AUTS2: variants seen among roughly 807,000 people sequenced by gnomAD.
AUTS2 encodes the protein activator of transcription and developmental regulator AUTS2.
A neutral mutation model predicts 112.4 loss-of-function variants in AUTS2; 17 were observed. The observed-to-expected ratio is 0.15, with a 90% confidence interval of 0.10 to 0.23. AUTS2 has a LOEUF of 0.23. AUTS2 is among the 10% of genes least tolerant of loss of function. AUTS2 has a pLI of 1.00. For synonymous variants in AUTS2, 751 were observed against 702.7 expected (o/e 1.07, Z -1.09); for missense variants, 1,510 against 1,701.6 (o/e 0.89, Z 1.98).
intron 1 of AUTS2, among the ~76,000 whole-genome samples, chr7:69,628,976 A>G (rs572805284): frequency 6.6e-6 from 1 of 152,142 alleles, no homozygotes; most frequent in African/African-American, 2.4e-5. Context: ...TGCGTAAACC[A>G]TTTCATTTGA....
chr7:70,088,179 A>G (rs1803710048), intron 2 of AUTS2, among the ~76,000 whole-genome samples: 1 of 152,026 alleles, frequency 6.6e-6, no homozygotes, highest in Non-Finnish European at 1.5e-5. Flanking sequence ...GCTGGAGTGC[A>G]GTGGCGTGAT....
chr7:70,448,682 A>G (rs1796413934), intron 5 of AUTS2, among the ~76,000 whole-genome samples: 1 of 152,184 alleles, frequency 6.6e-6, no homozygotes, highest in Admixed American at 6.5e-5. Context: ...GCATGACAAC[A>G]TATGTGGATT....
At chr7:69,900,555 G>T (rs1794927950) in intron 2 of AUTS2, among the ~76,000 whole-genome samples, 1 of 152,158 alleles carries the variant, frequency 6.6e-6, no homozygotes, top group Non-Finnish European at 1.5e-5. Flanking sequence ...GTTTTAGAAA[G>T]TTTCCTATTT....
intron 4 of AUTS2, among the ~76,000 whole-genome samples, chr7:70,235,900 C>T (rs1329240416): frequency 7.2e-5 from 11 of 152,076 alleles, no homozygotes; most frequent in African/African-American, 1.4e-4. Context: ...CCTCGTGGTC[C>T]GCCCACCTTG....
chr7:70,408,278 A>C (rs1794628645), intron 4 of AUTS2, among the ~76,000 whole-genome samples: 1 of 152,086 alleles, frequency 6.6e-6, no homozygotes, highest in African/African-American at 2.4e-5. Flanking sequence ...GGGGTCTGGT[A>C]TGGTAGTGAT....
chr7:70,063,178 A>T (rs1802332215), intron 2 of AUTS2, among the ~76,000 whole-genome samples: 1 of 151,976 alleles, frequency 6.6e-6, no homozygotes. Context: ...TTTTTATTGG[A>T]TATGATCACC....
chr7:70,557,727 T>C (rs1801310387), intron 5 of AUTS2, among the ~76,000 whole-genome samples: 2 of 152,214 alleles, frequency 1.3e-5, no homozygotes. Flanking sequence ...TCCCGGAGGC[T>C]GCTGTATCAC....
chr7:70,610,808 A>C (rs1804054787), intron 5 of AUTS2, among the ~76,000 whole-genome samples: 1 of 152,116 alleles, frequency 6.6e-6, no homozygotes, highest in Non-Finnish European at 1.5e-5. Flanking sequence ...ATGCCTATTC[A>C]GGTCATTTGT....
At chr7:70,393,061 A>G (rs1185910410) in intron 4 of AUTS2, among the ~76,000 whole-genome samples, 1 of 152,212 alleles carries the variant, frequency 6.6e-6, no homozygotes, top group Non-Finnish European at 1.5e-5. Flanking sequence ...CAGGAAGGGT[A>G]GTATTGATTT....
At chr7:69,890,422 A>G (rs1794470209) in intron 1 of AUTS2, among the ~76,000 whole-genome samples, 1 of 151,964 alleles carries the variant, frequency 6.6e-6, no homozygotes, top group Non-Finnish European at 1.5e-5. Context: ...TCTGTACCTG[A>G]TCTATTTTTT....
intron 5 of AUTS2, among the ~76,000 whole-genome samples, chr7:70,555,412 A>G (rs963845021): frequency 1.3e-5 from 2 of 152,246 alleles, no homozygotes; most frequent in African/African-American, 2.4e-5. Context: ...AACTTCTCAA[A>G]GCCTTGAGTA....
chr7:69,778,177 T>A (rs1788974105), intron 1 of AUTS2, among the ~76,000 whole-genome samples: 1 of 151,054 alleles, frequency 6.6e-6, no homozygotes, highest in Non-Finnish European at 1.5e-5. Flanking sequence ...TTAGTGTCCC[T>A]CAGAATCTCA....
At chr7:70,086,679 T>G (rs936613993) in intron 2 of AUTS2, among the ~76,000 whole-genome samples, 2 of 151,914 alleles carry the variant, frequency 1.3e-5, no homozygotes, top group African/African-American at 4.8e-5. Flanking sequence ...GTTTTCAGGT[T>G]ACAAATATTT....
intron 4 of AUTS2, among the ~76,000 whole-genome samples, chr7:70,312,367 A>G (rs6955333): frequency 0.096 from 14,655 of 152,162 alleles, 748 homozygotes; most frequent in Admixed American, 0.14. Flanking sequence ...TATAAAGTCT[A>G]TCTTCTCCCT....
At chr7:69,618,372 C>T (rs988538180) in intron 1 of AUTS2, among the ~76,000 whole-genome samples, 1 of 152,194 alleles carries the variant, frequency 6.6e-6, no homozygotes, top group African/African-American at 2.4e-5. Context: ...GTACTGGCAA[C>T]TTTGCTGATT....
chr7:70,267,309 T>C (rs1487485578), intron 4 of AUTS2, among the ~76,000 whole-genome samples: 1 of 151,894 alleles, frequency 6.6e-6, no homozygotes. Context: ...TATCAAATTA[T>C]GTATTCAAAA....
intron 5 of AUTS2, among the ~76,000 whole-genome samples, chr7:70,535,131 A>T (rs1367884663): frequency 6.6e-6 from 1 of 152,008 alleles, no homozygotes; most frequent in Non-Finnish European, 1.5e-5. Flanking sequence ...TGACCTTGGG[A>T]AATTTAAGTA....
chr7:70,746,700 G>A lies in AUTS2; in HGVS notation c.743-16170G>A, dbSNP rs373716996. Among the ~76,000 whole-genome samples, 41 of 152,118 alleles carry A rather than the reference G, an allele frequency of 2.7e-4. 1 individual carries two copies. The South Asian group carries it at 7.9e-3, about 29-fold the overall frequency. ...AGCGCAGGATCTTGGCGCACTGGAC[G>A]GTGGCTGAAGGAGAGGGAGAGGGGG... On this transcript the variant is annotated intron_variant, in intron 6 of 18. Coordinates refer to ENST00000342771, the MANE Select transcript of AUTS2 (RefSeq NM_015570.4).
intron 11 of AUTS2, among the ~76,000 whole-genome samples, chr7:70,773,769 T>C (rs1407041237): frequency 7.9e-5 from 12 of 152,262 alleles, no homozygotes; most frequent in Non-Finnish European, 1.8e-4. Flanking sequence ...TTCTCTTTTT[T>C]GGTCCTGTGC....
Sources: allele counts gnomAD v4.1 joint callset (sites outside exome capture counted in the v4.1 genomes callset), GRCh38; gene constraint gnomAD v4.1.1; transcripts MANE v1.5; gene names NCBI Gene and HGNC (gene_info 2026-07-23, HGNC 2026-07-21).